Variants in STK32C observed in about 807,000 individuals in gnomAD.
STK32C encodes the protein serine/threonine kinase 32C.
In STK32C, 31 loss-of-function variants were observed where a neutral mutation model predicts 56.5. That is an observed-to-expected ratio of 0.55 (90% CI 0.41 to 0.74). The LOEUF (loss-of-function observed/expected upper bound fraction) is 0.74. Among genes scored for constraint, STK32C ranks in the 30% least tolerant of loss-of-function variants. STK32C has a pLI of 0.00. For missense variants in STK32C, 544 were observed against 676.9 expected, an observed-to-expected ratio of 0.80 and a Z score of 2.18; for synonymous variants, 309 against 289.4, an observed-to-expected ratio of 1.07 and a Z score of -0.69.
At chr10:132,222,566 C>T (rs1429165707) in intron 10 of STK32C, 75 bp downstream of exon 10, 10 of 1,565,362 alleles carry the variant, frequency 6.4e-6, no homozygotes, top group Non-Finnish European at 7.7e-6. Flanking sequence ...GGGGTCCCCA[C>T]ACGCCTTGCT....
At chr10:132,228,452 C>T (rs945889740) in intron 2 of STK32C, among the ~76,000 whole-genome samples, 2 of 152,134 alleles carry the variant, frequency 1.3e-5, no homozygotes, top group African/African-American at 4.8e-5. Flanking sequence ...TAGTGAAGAC[C>T]CCTCCCTGAG....
chr10:132,228,889 C>A (rs940659212), intron 2 of STK32C, among the ~76,000 whole-genome samples: 4 of 152,236 alleles, frequency 2.6e-5, no homozygotes, highest in Non-Finnish European at 4.4e-5. Flanking sequence ...TGGGGGCCAC[C>A]GCTGCCACCA....
rs914425198 is a variant in STK32C, at chr10:132,254,756, G to A, written c.263-8801C>T. ...TAAAATAAGCCTGCCGCAGGGCGCC[G>A]GGAATCAGCACTATGTCACCCCGGC... On this transcript the variant is annotated intron_variant, in intron 1 of 11. Transcript: ENST00000298630. 3.3e-5 allele frequency among the ~76,000 whole-genome samples: 5 copies of A among 150,354 alleles called. 2 individuals are homozygous for A. Among genetic ancestry groups the A allele is most frequent in the African/African-American group, 1.2e-4 (5 of 40,594 alleles).
At chr10:132,277,454 T>C (rs2065026683) in intron 1 of STK32C, among the ~76,000 whole-genome samples, 1 of 152,206 alleles carries the variant, frequency 6.6e-6, no homozygotes, top group South Asian at 2.1e-4. Context: ...ACCAGTTTCC[T>C]TCTCAGGAAC....
chr10:132,310,858 C>T (rs770535469), upstream of STK32C, among the ~76,000 whole-genome samples: 33 of 152,212 alleles, frequency 2.2e-4, no homozygotes, highest in Admixed American at 1.4e-3. This position sits in a 1 kb window ranked among gnomAD's most constrained non-coding sequence, Gnocchi z 4.6. Flanking sequence ...GACCTTGATG[C>T]TGAGGCCGGA....
In STK32C at chr10:132,255,836, C is replaced by T. The variant is rs979399171; in HGVS notation, c.263-9881G>A. 1.4e-4 allele frequency among the ~76,000 whole-genome samples: 22 copies of T among 152,312 alleles called. No individual in the cohort carries two copies. Among genetic ancestry groups the T allele is most frequent in the Non-Finnish European group, 2.5e-4 (17 of 68,010 alleles). On this transcript the variant is annotated intron_variant, in intron 1 of 11. Transcript: ENST00000298630. The surrounding 1 kb of genome is among the most constrained non-coding windows in gnomAD (Gnocchi z 4.6). ...CAGCACCATGGCCCAGCATTACGTG[C>T]GCTGCCCACGCATCTCCGAGGGCCC...
chr10:132,217,058 T>C (rs979907945), intron 10 of STK32C, among the ~76,000 whole-genome samples: 2 of 152,000 alleles, frequency 1.3e-5, no homozygotes, highest in Admixed American at 1.3e-4. Flanking sequence ...CACCCCAGAA[T>C]GGTATATCCA....
At chr10:132,280,789 C>T (rs925178909) in intron 1 of STK32C, among the ~76,000 whole-genome samples, 1 of 148,040 alleles carries the variant, frequency 6.8e-6, no homozygotes, top group Admixed American at 6.7e-5. Context: ...GTGATCACGC[C>T]ACTGCACCCC....
At chr10:132,208,209 C>T in intron 11 of STK32C, 58 bp from the exon 12 acceptor site, 2 of 1,287,808 alleles carry the variant, frequency 1.6e-6, no homozygotes, top group South Asian at 3.6e-5. Context: ...GCCTCACGGT[C>T]CCATGACCTG....
intron 2 of STK32C, among the ~76,000 whole-genome samples, chr10:132,230,688 G>T (rs934658922): frequency 4.2e-5 from 6 of 142,774 alleles, no homozygotes; most frequent in East Asian, 2.3e-4. Flanking sequence ...GCGGGGGGGG[G>T]GGGGCTGCAG....
intron 1 of STK32C, among the ~76,000 whole-genome samples, chr10:132,281,177 G>GAA (rs2065192148): frequency 3.6e-5 from 3 of 83,692 alleles, no homozygotes; most frequent in East Asian, 8.4e-4. Flanking sequence ...TGATCCTCGT[G>GAA]GACACACACA....
intron 1 of STK32C, among the ~76,000 whole-genome samples, chr10:132,285,714 G>GACTA (rs1194150833): frequency 6.6e-6 from 1 of 152,154 alleles, no homozygotes; most frequent in Non-Finnish European, 1.5e-5. Flanking sequence ...GGAAGGAACA[G>GACTA]ACTAACCAAC....
chr10:132,280,990 T>G (rs1486179329), intron 1 of STK32C, among the ~76,000 whole-genome samples: 1 of 145,978 alleles, frequency 6.9e-6, no homozygotes, highest in East Asian at 2.1e-4. Flanking sequence ...ATCACGCCCC[T>G]GCACTCCGTG....
intron 11 of STK32C, among the ~76,000 whole-genome samples, 198 bp downstream of exon 11, chr10:132,208,836 C>T (rs553017593): frequency 3.3e-5 from 5 of 152,262 alleles, no homozygotes; most frequent in East Asian, 1.9e-4. Flanking sequence ...ACGGGCCCCG[C>T]GTGGAGCACA....
At chr10:132,331,603 G>A in exon 1 of STK32C, 5 of 1,612,892 alleles carry the variant, frequency 3.1e-6, no homozygotes, top group Non-Finnish European at 4.2e-6. Flanking sequence ...CGCGGGGAGT[G>A]AGCCCAGCGG....
intron 1 of STK32C, among the ~76,000 whole-genome samples, chr10:132,296,220 T>C (rs958323115): frequency 6.6e-6 from 1 of 151,542 alleles, no homozygotes. Context: ...GTGTCCAAAC[T>C]GTCAAGGTCA....
chr10:132,225,447 G>A (rs773908161), intron 6 of STK32C, 80 bp downstream of exon 6: 12 of 1,596,256 alleles, frequency 7.5e-6, no homozygotes, highest in East Asian at 2.2e-5. Context: ...CCTCCAGGGT[G>A]GGACAGAGAA....
chr10:132,324,008 C>T (rs909604703), downstream of STK32C: 13 of 525,996 alleles, frequency 2.5e-5, 1 homozygote, highest in South Asian at 1.9e-4. Flanking sequence ...TTAGCCCAGT[C>T]CCTAAAGAGC....
intron 1 of STK32C, among the ~76,000 whole-genome samples, chr10:132,266,290 A>G (rs1474183413): frequency 6.6e-6 from 1 of 152,154 alleles, no homozygotes; most frequent in African/African-American, 2.4e-5. Context: ...ACGGATCCAC[A>G]GTGAGAAGCA....
Sources: gnomAD v4.1 joint callset for allele counts (sites outside exome capture counted in the v4.1 genomes callset) on GRCh38, gnomAD v4.1.1 for gene constraint, Gnocchi (gnomAD v3.1) non-coding constraint, MANE v1.5 for transcripts, NCBI Gene and HGNC (gene_info 2026-07-23, HGNC 2026-07-21) for gene names.